ITCH: variants seen among roughly 807,000 people sequenced by gnomAD.
The protein encoded by ITCH is E3 ubiquitin-protein ligase Itchy homolog.
In ITCH, 28 loss-of-function variants were observed where a neutral mutation model predicts 126.8. The observed-to-expected ratio is 0.22, with a 90% CI of 0.16 to 0.30. ITCH has a LOEUF of 0.30. Ranked by LOEUF, ITCH falls within the 10% of genes least tolerant of loss-of-function variation. ITCH has a pLI of 1.00. For synonymous variants in ITCH, 342 were observed against 340.0 expected (o/e 1.01, Z -0.06); for missense variants, 631 against 1,032.4 (o/e 0.61, Z 5.33).
At chr20:34,412,865 G>A (rs894684022) in intron 5 of ITCH, among the ~76,000 whole-genome samples, 11 of 151,918 alleles carry the variant, frequency 7.2e-5, no homozygotes, top group Admixed American at 1.3e-4. Flanking sequence ...TATTTACTTA[G>A]TAAATAGATA....
intron 3 of ITCH, among the ~76,000 whole-genome samples, chr20:34,396,784 T>C (rs953303211): frequency 3.9e-5 from 6 of 152,172 alleles, no homozygotes; most frequent in Admixed American, 3.9e-4. Context: ...TCACGTCCTT[T>C]GTTTGCTATT....
At chr20:34,442,618 G>T (rs995029199) in intron 10 of ITCH, among the ~76,000 whole-genome samples, 19 of 151,882 alleles carry the variant, frequency 1.3e-4, no homozygotes, top group Admixed American at 6.5e-5. Context: ...CTCCCAAAGT[G>T]CTGGGATTAC....
intron 23 of ITCH, among the ~76,000 whole-genome samples, chr20:34,493,058 T>TA (rs1989626090): frequency 1.3e-5 from 2 of 152,244 alleles, no homozygotes; most frequent in Non-Finnish European, 2.9e-5. Context: ...AAGTGCCTGT[T>TA]ACACAGCAAT....
chr20:34,365,455 C>T (rs2037385706), intron 1 of ITCH, among the ~76,000 whole-genome samples: 1 of 152,180 alleles, frequency 6.6e-6, no homozygotes, highest in Non-Finnish European at 1.5e-5. Flanking sequence ...AACTTTGTCA[C>T]CCAGGCTGGA....
intron 2 of ITCH, among the ~76,000 whole-genome samples, chr20:34,384,424 G>A (rs566565157): frequency 6.6e-6 from 1 of 151,368 alleles, no homozygotes; most frequent in Admixed American, 6.6e-5. Context: ...GGGATTACAG[G>A]CATGCGCCAC....
At chr20:34,364,890 CAA>C (rs1234445956) in intron 1 of ITCH, among the ~76,000 whole-genome samples, 10 of 42,488 alleles carry the variant, frequency 2.4e-4, no homozygotes, top group East Asian at 1.5e-3. Context: ...GACTCCGCCT[CAA>C]AAAAAAAAAA....
chr20:34,474,256 G>T (rs1259913070), intron 16 of ITCH, among the ~76,000 whole-genome samples: 2 of 152,158 alleles, frequency 1.3e-5, no homozygotes, highest in Non-Finnish European at 2.9e-5. Context: ...GGGAAGGTCA[G>T]CAGATAAACA....
At chr20:34,378,316 C>A (rs1032157379) in intron 2 of ITCH, among the ~76,000 whole-genome samples, 4 of 151,190 alleles carry the variant, frequency 2.6e-5, no homozygotes, top group East Asian at 1.9e-4. Context: ...ACTAAAAATA[C>A]CAAAAAATTA....
chr20:34,391,092 A>G lies in ITCH; in HGVS notation c.-21-2699A>G, dbSNP rs184512898. On this transcript the variant is annotated intron_variant, in intron 2 of 24. Transcript: ENST00000374864. ...TTAACCATGTATGCAGTTGTAAATAATAGAACTAAGAATCTGGCGCTCAGG... is the reference window on the plus strand; with the variant it reads ...TTAACCATGTATGCAGTTGTAAATAGTAGAACTAAGAATCTGGCGCTCAGG... Among the ~76,000 whole-genome samples the G allele has an allele frequency of 2.0e-5, 3 of 152,348 alleles. No homozygotes were observed. The East Asian group carries it at 5.8e-4, about 29-fold the overall frequency.
chr20:34,432,642 G>A (rs1365152415), intron 7 of ITCH, among the ~76,000 whole-genome samples: 1 of 152,156 alleles, frequency 6.6e-6, no homozygotes, highest in Non-Finnish European at 1.5e-5. Context: ...GGGAGAACAG[G>A]TCAATTATTA....
chr20:34,467,678 ATTTTTTTTTTTT>A (rs147009659), intron 14 of ITCH, among the ~76,000 whole-genome samples: 1,298 of 98,096 alleles, frequency 0.013, 22 homozygotes, highest in African/African-American at 0.047. Flanking sequence ...TTTCTTTTTC[ATTTTTTTTTTTT>A]TTTTTTTTTT....
chr20:34,416,387 A>G (rs1214447157), intron 6 of ITCH, among the ~76,000 whole-genome samples: 1 of 152,244 alleles, frequency 6.6e-6, no homozygotes, highest in African/African-American at 2.4e-5. Context: ...AACAAGAGCG[A>G]AACTGGGTCT....
chr20:34,430,044 T>C (rs1342973034), intron 7 of ITCH, among the ~76,000 whole-genome samples: 7 of 152,202 alleles, frequency 4.6e-5, no homozygotes, highest in African/African-American at 1.7e-4. Context: ...AAGGGAGAAA[T>C]GGCATTTGGT....
At chr20:34,461,538 G>A (rs1986499284) in intron 13 of ITCH, among the ~76,000 whole-genome samples, 1 of 151,930 alleles carries the variant, frequency 6.6e-6, no homozygotes, top group South Asian at 2.1e-4. Flanking sequence ...GTGAAACCCT[G>A]TCTCTACTAA....
chr20:34,456,184 GTATATA>G lies in ITCH; in HGVS notation c.1211-1180_1211-1175del, dbSNP rs1326551793. 6.6e-3 allele frequency among the ~76,000 whole-genome samples: 310 copies of G among 47,134 alleles called. 3 individuals carry two copies. The highest frequency in any genetic ancestry group is 0.014 in the African/African-American group (105 of 7,690). The allele number at this position is 47,134 out of a possible 152,430, so 30.9% of individuals were successfully genotyped here. A position where few individuals can be genotyped will look rare whatever the true frequency, so the allele number is the denominator to read the frequency against. On this transcript the variant is annotated intron_variant, in intron 12 of 24. Coordinates refer to ENST00000374864, the MANE Select transcript of ITCH (RefSeq NM_031483.7). Reference sequence around the variant, plus strand: ...TGTGTGTGTGTGTGTGTGTGTGTGTGTATATATATATATATATATATATATATATAT... The same window carrying G: ...TGTGTGTGTGTGTGTGTGTGTGTGTGTATATATATATATATATATATATAT...
chr20:34,417,047 T>C lies in ITCH; in HGVS notation c.475+3168T>C. The stretch of plus-strand genomic sequence containing the variant: ...GCCTCAGCCTCCAGAGTAGCTAGGA[T>C]TACAGGCATCTGCCACCACACCTGG... On this transcript the variant is annotated intron_variant, in intron 6 of 24. Transcript: ENST00000374864. The C allele has an allele frequency of 5.3e-6, 3 of 567,024 alleles. 1 individual carries two copies. Among genetic ancestry groups the C allele is most frequent in the South Asian group, 3.1e-5 (2 of 64,652 alleles). 35.1% of individuals were successfully genotyped at this position (567,024 alleles called of 1,614,324 possible).
intron 16 of ITCH, among the ~76,000 whole-genome samples, chr20:34,475,698 A>G (rs1251847550): frequency 1.4e-5 from 2 of 138,662 alleles, no homozygotes; most frequent in African/African-American, 5.3e-5. Flanking sequence ...AGGCAGAGGC[A>G]GGGGCAGGGG....
At chr20:34,409,819 A>G (rs1978725962) in intron 4 of ITCH, among the ~76,000 whole-genome samples, 2 of 152,170 alleles carry the variant, frequency 1.3e-5, no homozygotes, top group South Asian at 4.1e-4. Context: ...TTATAATCTA[A>G]GATATTGACA....
chr20:34,511,693 C>T lies in ITCH; in HGVS notation c.*3899C>T, dbSNP rs922717508. On this transcript the variant is annotated 3_prime_UTR_variant, in exon 25 of 25. Coordinates refer to ENST00000374864, the MANE Select transcript of ITCH (RefSeq NM_031483.7). Reference sequence around the variant, plus strand: ...TGATCCCAAGACCAACTCAAAACTACAAAGTTTTCCAGAGCTTATTTACAT... The same window carrying T: ...TGATCCCAAGACCAACTCAAAACTATAAAGTTTTCCAGAGCTTATTTACAT... 2.0e-5 allele frequency among the ~76,000 whole-genome samples: 3 copies of T among 152,218 alleles called. No homozygotes were observed. The highest frequency in any genetic ancestry group is 6.5e-5 in the Admixed American group (1 of 15,278).
Sources: allele counts gnomAD v4.1 joint callset (sites outside exome capture counted in the v4.1 genomes callset), GRCh38; gene constraint gnomAD v4.1.1; transcripts MANE v1.5; gene names NCBI Gene and HGNC (gene_info 2026-07-23, HGNC 2026-07-21).